FRMD4A: variants seen among roughly 807,000 people sequenced by gnomAD.
FRMD4A encodes FERM domain containing 4A.
In FRMD4A, 29 loss-of-function variants were observed where a neutral mutation model predicts 129.1. The ratio of observed to expected loss-of-function variants is 0.22; its 90% CI spans 0.17 to 0.31. The LOEUF (loss-of-function observed/expected upper bound fraction) is 0.31. Ranked by LOEUF, FRMD4A falls within the 10% of genes least tolerant of loss-of-function variation. FRMD4A has a pLI of 1.00. For missense variants in FRMD4A, 1,272 were observed against 1,375.8 expected, an observed-to-expected ratio of 0.92 and a Z score of 1.19; for synonymous variants, 634 against 571.6, an observed-to-expected ratio of 1.11 and a Z score of -1.56.
Position 13,652,026 on chromosome 10 carries a change from A to C in FRMD4A, c.3051-52T>G, listed in dbSNP as rs779706272. The C allele has an allele frequency of 3.2e-6, 3 of 939,194 alleles. No homozygotes were observed. The Admixed American group carries it at 5.1e-5, about 16-fold the overall frequency. The allele number at this position is 939,194 out of a possible 1,614,324, so 58.2% of individuals were successfully genotyped here. On this transcript the variant is annotated intron_variant, in intron 23 of 24. Coordinates refer to ENST00000357447, the MANE Select transcript of FRMD4A (RefSeq NM_018027.5). Reference sequence around the variant, plus strand: ...AGAGAAGAGAGGTCATGTTACAGAGAGACACTGACACAGACACAGACACGA... The same window carrying C: ...AGAGAAGAGAGGTCATGTTACAGAGCGACACTGACACAGACACAGACACGA...
At chr10:13,856,216 AAGTGTGTGTG>A (rs2094212299) in intron 3 of FRMD4A, among the ~76,000 whole-genome samples, 1 of 107,478 alleles carries the variant, frequency 9.3e-6, no homozygotes, top group Non-Finnish European at 2.0e-5. Context: ...GATTTTGTGC[AAGTGTGTGTG>A]TGTGTGTGTG....
intron 12 of FRMD4A, among the ~76,000 whole-genome samples, chr10:13,722,570 A>T (rs1392003315): frequency 6.6e-6 from 1 of 152,046 alleles, no homozygotes; most frequent in Non-Finnish European, 1.5e-5. Context: ...TGGTCTTCCC[A>T]ATCACTGGTT....
At chr10:13,763,483 C>T (rs116978662) in intron 6 of FRMD4A, among the ~76,000 whole-genome samples, 4 of 152,106 alleles carry the variant, frequency 2.6e-5, no homozygotes, top group African/African-American at 4.8e-5. Flanking sequence ...ACTACCGTAT[C>T]GTCAGCTCAG....
intron 2 of FRMD4A, among the ~76,000 whole-genome samples, chr10:14,049,776 A>T (rs1394348007): frequency 6.6e-6 from 1 of 152,090 alleles, no homozygotes; most frequent in Non-Finnish European, 1.5e-5. Context: ...AATCGCTTGA[A>T]CCGTGGAGGC....
intron 18 of FRMD4A, among the ~76,000 whole-genome samples, chr10:13,664,804 G>T (rs1282536936): frequency 6.6e-6 from 1 of 151,870 alleles, no homozygotes; most frequent in East Asian, 1.9e-4. Flanking sequence ...TCAAACCTCT[G>T]GCTCAAGTAA....
intron 2 of FRMD4A, among the ~76,000 whole-genome samples, chr10:14,218,799 AC>A (rs1282134415): frequency 1.3e-5 from 2 of 151,916 alleles, no homozygotes; most frequent in African/African-American, 4.8e-5. Flanking sequence ...TACTAAAAAT[AC>A]AAAAATTAGC....
intron 2 of FRMD4A, among the ~76,000 whole-genome samples, chr10:14,280,754 A>C (rs561721170): frequency 6.6e-6 from 1 of 152,202 alleles, no homozygotes; most frequent in East Asian, 1.9e-4. Flanking sequence ...TGCTTCCTTT[A>C]AGAACCTGAG....
intron 2 of FRMD4A, among the ~76,000 whole-genome samples, chr10:13,937,023 G>C (rs913022482): frequency 1.1e-4 from 16 of 152,192 alleles, no homozygotes; most frequent in Admixed American, 2.0e-4. Flanking sequence ...TTGCCCTTCT[G>C]GCTGGGCTCA....
chr10:13,761,690 C>T (rs1308515825), intron 7 of FRMD4A, 21 bp from the exon 8 acceptor site: 2 of 1,576,510 alleles, frequency 1.3e-6, no homozygotes, highest in African/African-American at 1.4e-5. Flanking sequence ...AAAAATTCAA[C>T]ATCAGCGAAA....
chr10:14,152,259 C>T (rs1390097229), intron 2 of FRMD4A, among the ~76,000 whole-genome samples: 1 of 150,698 alleles, frequency 6.6e-6, no homozygotes, highest in Non-Finnish European at 1.5e-5. Context: ...TCCCGAGTAG[C>T]TGGGACTACA....
intron 4 of FRMD4A, among the ~76,000 whole-genome samples, chr10:13,805,152 T>C (rs188288861): frequency 5.3e-5 from 8 of 152,230 alleles, no homozygotes; most frequent in Middle Eastern, 3.4e-3. Context: ...TTTCTTTTTT[T>C]TTTCTTTAAG....
intron 2 of FRMD4A, among the ~76,000 whole-genome samples, chr10:14,246,791 G>C (rs1844257730): frequency 6.6e-6 from 1 of 152,136 alleles, no homozygotes; most frequent in African/African-American, 2.4e-5. Flanking sequence ...AAATACAAAA[G>C]AGAGAAAACG....
In FRMD4A at chr10:13,659,474, G is replaced by C; in HGVS notation, c.1915C>G (p.Pro639Ala). 1 of 1,613,072 alleles carries C rather than the reference G, an allele frequency of 6.2e-7. No individual in the cohort carries two copies. The highest frequency in any genetic ancestry group is 8.5e-7 in the Non-Finnish European group (1 of 1,179,564). The change falls in exon 21 of 25, where the codon CCC (proline) becomes GCC (alanine). Residue 639 changes from proline to alanine, a missense_variant. This residue lies in a region of FRMD4A where 972 missense variants were observed against 892.3 expected (regional missense o/e 1.09). Transcript: ENST00000357447. ...HSHSSSHKRF[P>A]STGSCAEAGG... is the part of the protein sequence containing the mutation. ...GCTTCCGCACAGCTTCCTGTGCTGG[G>C]GAAGCGCTTGTGGCTGCTGCAAAGC... is the stretch of plus-strand genomic sequence containing the variant.
chr10:13,947,880 CA>C (rs1004955549), intron 2 of FRMD4A, among the ~76,000 whole-genome samples: 5 of 151,298 alleles, frequency 3.3e-5, no homozygotes, highest in African/African-American at 4.9e-5. Context: ...CATGTCCACT[CA>C]AAAAAAATAA....
chr10:13,735,503 G>A (rs192155233), intron 12 of FRMD4A, among the ~76,000 whole-genome samples: 2 of 152,258 alleles, frequency 1.3e-5, no homozygotes, highest in East Asian at 3.9e-4. Flanking sequence ...ATAATTGACT[G>A]AGCCCTAGCT....
intron 2 of FRMD4A, among the ~76,000 whole-genome samples, chr10:14,259,878 T>G (rs928472533): frequency 2.0e-5 from 3 of 152,124 alleles, no homozygotes; most frequent in African/African-American, 7.2e-5. Context: ...GCTCCAGCTG[T>G]TTCTCTCACT....
intron 2 of FRMD4A, among the ~76,000 whole-genome samples, chr10:13,950,350 T>A (rs2095362843): frequency 6.6e-6 from 1 of 152,256 alleles, no homozygotes; most frequent in South Asian, 2.1e-4. Flanking sequence ...AAAGTCTGAA[T>A]CTTCACAGAT....
chr10:13,671,561 G>A (rs1268941990), intron 16 of FRMD4A, among the ~76,000 whole-genome samples: 3 of 152,162 alleles, frequency 2.0e-5, no homozygotes. Flanking sequence ...AAATCTACTT[G>A]TTGTGGGTAC....
intron 2 of FRMD4A, among the ~76,000 whole-genome samples, chr10:14,327,765 C>T (rs1329484834): frequency 6.6e-6 from 1 of 152,216 alleles, no homozygotes; most frequent in Non-Finnish European, 1.5e-5. Flanking sequence ...TGGTATCAGC[C>T]TCCCACAGAC....
Sources: allele counts gnomAD v4.1 joint callset (sites outside exome capture counted in the v4.1 genomes callset), GRCh38; gene constraint gnomAD v4.1.1; regional missense constraint gnomAD v4.1.1; transcripts MANE v1.5; gene names NCBI Gene and HGNC (gene_info 2026-07-23, HGNC 2026-07-21).